SASH1: variants seen among roughly 807,000 people sequenced by gnomAD.
The protein encoded by SASH1 is SAM and SH3 domain containing 1, also known as SAM and SH3 domain-containing protein 1.
SASH1 carries 44 observed loss-of-function variants against 125.2 expected under a neutral mutation model. The observed-to-expected ratio is 0.35, with a 90% CI of 0.28 to 0.45. SASH1 has a LOEUF of 0.45. SASH1 is among the 20% of genes least tolerant of loss of function. SASH1 has a pLI of 1.00. For synonymous variants in SASH1, 639 were observed against 649.1 expected (o/e 0.98, Z 0.24); for missense variants, 1,426 against 1,614.5 (o/e 0.88, Z 2.00).
intron 1 of SASH1, among the ~76,000 whole-genome samples, chr6:148,360,873 C>G (rs990234044): frequency 2.0e-5 from 3 of 152,042 alleles, no homozygotes; most frequent in African/African-American, 7.2e-5. Flanking sequence ...AAGGATACCT[C>G]GAAGTCCTAA....
chr6:148,298,674 GAA>G (rs1779833195), intron 1 of SASH1, among the ~76,000 whole-genome samples: 1 of 60,636 alleles, frequency 1.6e-5, no homozygotes. Context: ...AGGGAGGAAG[GAA>G]GGAAGGAAGG....
At chr6:148,302,883 A>G (rs921559324) in intron 1 of SASH1, among the ~76,000 whole-genome samples, 3 of 151,528 alleles carry the variant, frequency 2.0e-5, no homozygotes, top group Non-Finnish European at 2.9e-5. Flanking sequence ...GATGATGGCA[A>G]CTATTCTTCT....
chr6:148,502,569 C>T (rs951476586), intron 8 of SASH1, among the ~76,000 whole-genome samples: 1 of 152,166 alleles, frequency 6.6e-6, no homozygotes, highest in Non-Finnish European at 1.5e-5. Context: ...GAGGGACTTT[C>T]GGTGCTTCAC....
At chr6:148,443,963 TATC>T (rs796165084) in intron 4 of SASH1, among the ~76,000 whole-genome samples, 7 of 152,304 alleles carry the variant, frequency 4.6e-5, no homozygotes, top group African/African-American at 1.7e-4. Flanking sequence ...CCAACCAAAA[TATC>T]ATTCTGCGTC....
At chr6:148,337,149 C>T (rs1186313244) in intron 1 of SASH1, among the ~76,000 whole-genome samples, 1 of 151,974 alleles carries the variant, frequency 6.6e-6, no homozygotes, top group Admixed American at 6.6e-5. Flanking sequence ...ACCTCCGCCT[C>T]TCGGGCTAAA....
upstream of SASH1, among the ~76,000 whole-genome samples, chr6:148,338,880 C>T (rs1781240567): frequency 6.6e-6 from 1 of 151,888 alleles, no homozygotes; most frequent in African/African-American, 2.4e-5. Context: ...TGGCAGGCTC[C>T]TGTAGTCCCA....
intron 7 of SASH1, chr6:148,478,960 T>A: frequency 6.2e-6 from 1 of 160,996 alleles, no homozygotes. Context: ...ATGAGAAGTA[T>A]GGGCATATGA....
intron 2 of SASH1, among the ~76,000 whole-genome samples, chr6:148,426,569 A>C (rs1775833774): frequency 6.6e-6 from 1 of 152,116 alleles, no homozygotes; most frequent in Admixed American, 6.6e-5. Context: ...GAACAGAAGG[A>C]GTGTTGTACC....
At chr6:148,301,636 T>C (rs1271094875) in intron 1 of SASH1, among the ~76,000 whole-genome samples, 1 of 151,796 alleles carries the variant, frequency 6.6e-6, no homozygotes, top group Non-Finnish European at 1.5e-5. Flanking sequence ...TGGAGTGCAG[T>C]GTTGTGATCA....
In SASH1 at chr6:148,532,141, G is replaced by A. The variant is rs760887696; in HGVS notation, c.1564+480G>A. ...CTCCCAGGCTGGAGTGCAGTGTTGT[G>A]ATCTCAGCTCACTGCAACCTTCACC... On this transcript the variant is annotated intron_variant, in intron 13 of 19. Coordinates refer to ENST00000367467, the MANE Select transcript of SASH1 (RefSeq NM_015278.5). The surrounding 1 kb of genome is among the most constrained non-coding windows in gnomAD (Gnocchi z 4.7). Among the ~76,000 whole-genome samples the A allele has an allele frequency of 1.3e-5, 2 of 152,096 alleles. No individual in the cohort carries two copies. Among genetic ancestry groups the A allele is most frequent in the Non-Finnish European group, 2.9e-5 (2 of 68,030 alleles).
chr6:148,207,871 G>C, the SASH1 span, among the ~76,000 whole-genome samples: 1 of 152,166 alleles, frequency 6.6e-6, no homozygotes, highest in Non-Finnish European at 1.5e-5. Flanking sequence ...GCTGGCTTGA[G>C]TCCCCAGACT....
intron 4 of SASH1, among the ~76,000 whole-genome samples, chr6:148,446,278 T>A (rs1429441536): frequency 6.6e-6 from 1 of 151,728 alleles, no homozygotes; most frequent in Non-Finnish European, 1.5e-5. Flanking sequence ...CCAGCTAATT[T>A]TTTGTATTTT....
chr6:148,217,573 C>G, the SASH1 span, among the ~76,000 whole-genome samples: 1 of 152,116 alleles, frequency 6.6e-6, no homozygotes, highest in African/African-American at 2.4e-5. Flanking sequence ...AACGCAGGTC[C>G]TCCTAATCTA....
intron 2 of SASH1, among the ~76,000 whole-genome samples, chr6:148,422,892 T>C (rs1775631444): frequency 6.6e-6 from 1 of 152,222 alleles, no homozygotes; most frequent in Admixed American, 6.5e-5. Context: ...AATTCTTTTC[T>C]TTCTCAAATA....
rs766480263 is a variant in SASH1, at chr6:148,514,358, C to T, written c.764C>T (p.Ser255Leu). ...CAATCGGATGATGAGACTGAGGAGT[C>T]GGTGAAGTTTAAGAGGTTACACAAG... ...REQSDDETEE[S>L]VKFKRLHKLV... Residue 255 changes from serine (S) to leucine (L), a missense_variant, in exon 9 of 20, where the codon TCG becomes TTG. Around this residue, in one of 3 missense-constraint regions of SASH1, gnomAD observed 567 missense variants for 575.6 expected, o/e 0.99. Coordinates refer to ENST00000367467, the MANE Select transcript of SASH1 (RefSeq NM_015278.5). 8.2e-6 allele frequency: 13 copies of T among 1,592,256 alleles called. No homozygotes were observed. In the South Asian group the frequency reaches 8.8e-5, roughly 11 times the overall value.
intron 2 of SASH1, among the ~76,000 whole-genome samples, chr6:148,396,869 A>G (rs1296952340): frequency 1.3e-5 from 2 of 152,144 alleles, no homozygotes; most frequent in South Asian, 4.1e-4. Context: ...TCTCAAAGTT[A>G]TTAGAGGCTT....
the SASH1 span, among the ~76,000 whole-genome samples, chr6:148,244,904 ATGTG>A: frequency 3.9e-4 from 47 of 119,064 alleles, no homozygotes; most frequent in South Asian, 2.9e-3. Context: ...GGCCTGGGGC[ATGTG>A]TGTGTGTGTG....
At chr6:148,535,678 C>T (rs1781799689) in intron 16 of SASH1, among the ~76,000 whole-genome samples, 3 of 152,146 alleles carry the variant, frequency 2.0e-5, no homozygotes, top group African/African-American at 7.2e-5. Flanking sequence ...TACACCATAC[C>T]CTTTGCTCCA....
chr6:148,212,561 T>C, the SASH1 span, among the ~76,000 whole-genome samples: 2 of 152,254 alleles, frequency 1.3e-5, no homozygotes, highest in African/African-American at 4.8e-5. Context: ...TTAATGTGAC[T>C]ATTCTTACCA....
Sources: allele counts gnomAD v4.1 joint callset (sites outside exome capture counted in the v4.1 genomes callset), GRCh38; gene constraint gnomAD v4.1.1; regional missense constraint gnomAD v4.1.1; non-coding constraint Gnocchi (gnomAD v3.1); transcripts MANE v1.5; gene names NCBI Gene and HGNC (gene_info 2026-07-23, HGNC 2026-07-21).